Variants in ALCAM observed in about 807,000 individuals in gnomAD.
ALCAM encodes activated leukocyte cell adhesion molecule, also known as CD166 antigen.
Under a neutral mutation model 70.9 loss-of-function variants are expected in ALCAM, and 30 were observed. The ratio of observed to expected loss-of-function variants is 0.42; its 90% CI spans 0.32 to 0.57. The LOEUF (loss-of-function observed/expected upper bound fraction) is 0.57, where lower values mean the gene tolerates loss of function less well. ALCAM is among the 20% of genes least tolerant of loss of function. The pLI, the probability that ALCAM is intolerant of heterozygous loss-of-function variation, is 0.11. For missense variants in ALCAM, 591 were observed against 695.1 expected, an observed-to-expected ratio of 0.85 and a Z score of 1.68; for synonymous variants, 249 against 242.5, an observed-to-expected ratio of 1.03 and a Z score of -0.25.
At chr3:105,421,329 T>C (rs1162090147) in intron 1 of ALCAM, among the ~76,000 whole-genome samples, 1 of 151,462 alleles carries the variant, frequency 6.6e-6, no homozygotes, top group Admixed American at 6.6e-5. Flanking sequence ...AGAATTGTGT[T>C]TGTGCTATGG....
chr3:105,467,039 T>C (rs1937758358), intron 1 of ALCAM, among the ~76,000 whole-genome samples: 1 of 151,358 alleles, frequency 6.6e-6, no homozygotes, highest in African/African-American at 2.4e-5. Flanking sequence ...TTCTCAACTT[T>C]ACCATTTAAT....
At position 105,545,242 on chromosome 3, in the gene ALCAM, C is replaced by T. The variant is rs35002721; in HGVS notation, c.1011C>T (p.Asn337=). 1.9e-3 allele frequency: 2,978 copies of T among 1,607,946 alleles called. 13 individuals are homozygous for T. Among genetic ancestry groups the T allele is most frequent in the Non-Finnish European group, 2.2e-3 (2,567 of 1,175,350 alleles). ...ITVHYLDLSL[N]PSGEVTRQIG... is the part of the protein sequence containing the mutation. ...TCACAGATTTGGATTTGTCCTTAAA[C>T]CCAAGTGGAGAAGTGACTAGACAGA... Residue 337 remains asparagine, a synonymous_variant, in exon 9 of 16, where the codon AAC becomes AAT. Transcript: ENST00000306107.
chr3:105,445,542 A>G (rs1328105860), intron 1 of ALCAM, among the ~76,000 whole-genome samples: 1 of 152,198 alleles, frequency 6.6e-6, no homozygotes, highest in Non-Finnish European at 1.5e-5. Context: ...AGCAAAAAGA[A>G]CAGATCTGGA....
At chr3:105,445,812 A>G (rs556488674) in intron 1 of ALCAM, among the ~76,000 whole-genome samples, 2 of 152,334 alleles carry the variant, frequency 1.3e-5, no homozygotes, top group Admixed American at 1.3e-4. Context: ...ATCTCTCACC[A>G]TGTACAAAAT....
chr3:105,517,989 A>G (rs185387444), intron 1 of ALCAM, among the ~76,000 whole-genome samples: 20 of 152,248 alleles, frequency 1.3e-4, no homozygotes, highest in Admixed American at 3.9e-4. Flanking sequence ...ATGTATTTGA[A>G]ATTCATAGAG....
intron 14 of ALCAM, among the ~76,000 whole-genome samples, chr3:105,569,114 G>A (rs886515037): frequency 6.6e-6 from 1 of 151,234 alleles, no homozygotes; most frequent in Non-Finnish European, 1.5e-5. Context: ...ACTGAATGTT[G>A]ACTTCTTTAT....
At chr3:105,387,171 G>A (rs1034107611) in intron 1 of ALCAM, among the ~76,000 whole-genome samples, 1 of 151,388 alleles carries the variant, frequency 6.6e-6, no homozygotes, top group African/African-American at 2.4e-5. Flanking sequence ...GCGTCCAAAT[G>A]AGGTTGCTGC....
At chr3:105,481,507 C>T (rs1938270701) in intron 1 of ALCAM, among the ~76,000 whole-genome samples, 1 of 152,082 alleles carries the variant, frequency 6.6e-6, no homozygotes, top group Non-Finnish European at 1.5e-5. Flanking sequence ...AAAAATGTAA[C>T]ATTAGGTATT....
intron 1 of ALCAM, among the ~76,000 whole-genome samples, chr3:105,479,438 T>G (rs1243579831): frequency 1.3e-5 from 2 of 152,200 alleles, no homozygotes; most frequent in Non-Finnish European, 2.9e-5. Context: ...AAATAACTAC[T>G]AAAATATCAT....
chr3:105,562,799 A>T (rs1482569308), intron 14 of ALCAM, among the ~76,000 whole-genome samples: 1 of 152,136 alleles, frequency 6.6e-6, no homozygotes, highest in East Asian at 1.9e-4. Context: ...TTTTTAAATT[A>T]ATTAATTCAT....
intron 1 of ALCAM, among the ~76,000 whole-genome samples, chr3:105,445,432 T>A (rs1937272084): frequency 6.6e-6 from 1 of 152,178 alleles, no homozygotes; most frequent in Non-Finnish European, 1.5e-5. Flanking sequence ...TTCCATTCAA[T>A]CCCTATCAAA....
At chr3:105,558,685 G>A (rs970307729) in intron 14 of ALCAM, among the ~76,000 whole-genome samples, 4 of 152,070 alleles carry the variant, frequency 2.6e-5, no homozygotes, top group Admixed American at 6.6e-5. Context: ...AACGCACTGC[G>A]CTTAAGGGAA....
intron 14 of ALCAM, among the ~76,000 whole-genome samples, chr3:105,556,465 T>C (rs1270929544): frequency 6.6e-6 from 1 of 151,984 alleles, no homozygotes; most frequent in East Asian, 1.9e-4. Flanking sequence ...GTGTGTAATA[T>C]AGAAATAATC....
intron 1 of ALCAM, chr3:105,440,945 C>T (rs1180334378): frequency 2.0e-5 from 3 of 152,110 alleles, no homozygotes; most frequent in Admixed American, 6.5e-5. Flanking sequence ...GGAAACAGGA[C>T]AGAAAGGTGA....
intron 1 of ALCAM, among the ~76,000 whole-genome samples, chr3:105,512,360 T>C (rs1276903210): frequency 1.3e-5 from 2 of 150,430 alleles, no homozygotes; most frequent in African/African-American, 2.4e-5. Flanking sequence ...TCTGTTGAAA[T>C]GTTTTTACGA....
At chr3:105,511,762 T>G (rs1201529272) in intron 1 of ALCAM, among the ~76,000 whole-genome samples, 3 of 152,000 alleles carry the variant, frequency 2.0e-5, no homozygotes, top group Non-Finnish European at 4.4e-5. Context: ...AAAAGGTATT[T>G]CAACTGATAT....
At chr3:105,446,809 G>C (rs1937311575) in intron 1 of ALCAM, among the ~76,000 whole-genome samples, 1 of 152,054 alleles carries the variant, frequency 6.6e-6, no homozygotes, top group African/African-American at 2.4e-5. Context: ...TACAGGAGTT[G>C]ATCTCATAGA....
At chr3:105,547,665 A>G in intron 11 of ALCAM, 142 bp downstream of exon 11, 1 of 1,004,984 alleles carries the variant, frequency 1.0e-6, no homozygotes, top group Non-Finnish European at 1.4e-6. Flanking sequence ...AATTTGCAGT[A>G]CATGCTCAGA....
chr3:105,373,633 A>G (rs370879000), intron 1 of ALCAM, among the ~76,000 whole-genome samples: 6 of 152,238 alleles, frequency 3.9e-5, no homozygotes, highest in African/African-American at 1.2e-4. Flanking sequence ...TTTTCCCTGT[A>G]CTTGTCTTTG....
Sources: allele counts gnomAD v4.1 joint callset (sites outside exome capture counted in the v4.1 genomes callset), GRCh38; gene constraint gnomAD v4.1.1; transcripts MANE v1.5; gene names NCBI Gene and HGNC (gene_info 2026-07-23, HGNC 2026-07-21).